The following LIPF variants were observed in gnomAD, a reference collection of about 807,000 sequenced individuals.
LIPF encodes the protein lipase F, gastric type.
A neutral mutation model predicts 38.0 loss-of-function variants in LIPF; 25 were observed. That is an observed-to-expected ratio of 0.66 (90% CI 0.48 to 0.92). The LOEUF is 0.92. Ranked by LOEUF, LIPF falls within the 40% of genes least tolerant of loss-of-function variation. The pLI, the probability that LIPF is intolerant of heterozygous loss-of-function variation, is 0.00. For synonymous variants in LIPF, 161 were observed against 156.2 expected (o/e 1.03, Z -0.23); for missense variants, 410 against 469.9 (o/e 0.87, Z 1.18).
intron 8 of LIPF, 22 bp downstream of exon 8, chr10:88,675,679 TA>T: frequency 1.9e-6 from 3 of 1,558,938 alleles, no homozygotes; most frequent in South Asian, 2.2e-5. Context: ...CAAATGCTGT[TA>T]AAATGTATTT....
chr10:88,678,612 C>G lies in LIPF; in HGVS notation c.1128C>G (p.Ile376Met). 1 of 1,613,962 alleles carries G rather than the reference C, an allele frequency of 6.2e-7. No homozygotes were observed. The highest frequency in any genetic ancestry group is 2.2e-5 in the East Asian group (1 of 44,876). ...EIPFYNHLDF[I>M]WAMDAPQEVY... ...CTTTTTACAATCACTTGGACTTTAT[C>G]TGGGCAATGGATGCCCCTCAAGAAG... is the stretch of plus-strand genomic sequence containing the variant. The change falls in exon 10 of 10, where the codon ATC becomes ATG. Residue 376 changes from isoleucine (I) to methionine (M), a missense_variant. Physicochemically the swap from Ile to Met is conservative, Grantham distance 10. Coordinates refer to ENST00000238983, the MANE Select transcript of LIPF (RefSeq NM_004190.4).
chr10:88,672,089 T>C (rs1311747613), intron 6 of LIPF, 124 bp downstream of exon 6: 13 of 906,954 alleles, frequency 1.4e-5, no homozygotes, highest in Non-Finnish European at 2.0e-5. Flanking sequence ...AATGGAACTG[T>C]TCGCATCTGT....
intron 4 of LIPF, chr10:88,669,046 C>A: frequency 3.1e-6 from 1 of 320,136 alleles, no homozygotes; most frequent in Non-Finnish European, 5.8e-6. Flanking sequence ...TGGAAAATTC[C>A]AAAGGAATGT....
intron 4 of LIPF, 131 bp downstream of exon 4, chr10:88,668,887 C>T (rs140527747): frequency 1.3e-6 from 1 of 767,540 alleles, no homozygotes; most frequent in East Asian, 2.7e-5. Flanking sequence ...TCATTCTAAT[C>T]CATTCTTGGA....
intron 5 of LIPF, among the ~76,000 whole-genome samples, chr10:88,671,323 A>T (rs1166061824): frequency 6.6e-6 from 1 of 152,178 alleles, no homozygotes; most frequent in Non-Finnish European, 1.5e-5. Flanking sequence ...AGAGGGAAAC[A>T]GTGGTTCTTA....
intron 1 of LIPF, chr10:88,665,429 A>T: frequency 1.3e-6 from 1 of 778,154 alleles, no homozygotes. Context: ...AACACACAGT[A>T]CAGCACACAG....
In LIPF at chr10:88,678,421, G is replaced by A. The variant is rs1268546830; in HGVS notation, c.961-24G>A. On this transcript the variant is annotated intron_variant, in intron 9 of 9. Coordinates refer to ENST00000238983, the MANE Select transcript of LIPF (RefSeq NM_004190.4). ...TTTAAAGTGTGGTTACCTAAACTCT[G>A]GTTCTTTCTCTTGTGTTTTCTAGTC... 1.9e-6 allele frequency: 3 copies of A among 1,544,994 alleles called. No individual in the cohort carries two copies. The Admixed American group carries it at 5.0e-5, about 26-fold the overall frequency.
rs774755640 is a variant in LIPF at position 88,669,816 on chromosome 10, A to T, written c.423-21A>T. 6 of 1,511,826 alleles carry T rather than the reference A, an allele frequency of 4.0e-6. No homozygotes were observed. In the African/African-American group the frequency reaches 6.8e-5, roughly 17 times the overall value. The allele number at this position is 1,511,826 out of a possible 1,614,324, so 93.7% of individuals were successfully genotyped here. ...ATAGCAAGGAAATGTATTCACTTTC[A>T]TTTTGTCTTTTTCCTTTCAGCTTTG... On this transcript the variant is annotated intron_variant, in intron 4 of 9. Coordinates refer to ENST00000238983, the MANE Select transcript of LIPF (RefSeq NM_004190.4).
chr10:88,671,994 C>A (rs756108760), intron 6 of LIPF, 29 bp downstream of exon 6: 1 of 1,571,386 alleles, frequency 6.4e-7, no homozygotes, highest in Non-Finnish European at 8.7e-7. Context: ...TTAAGTGAAT[C>A]TAAGACCCTT....
intron 6 of LIPF, 93 bp downstream of exon 6, chr10:88,672,058 A>C (rs1047054152): frequency 8.2e-7 from 1 of 1,213,116 alleles, no homozygotes; most frequent in Non-Finnish European, 1.1e-6. Flanking sequence ...TAAAAAGAGA[A>C]CAATCATTTT....
At chr10:88,671,216 T>A (rs1031984177) in intron 5 of LIPF, among the ~76,000 whole-genome samples, 1 of 152,240 alleles carries the variant, frequency 6.6e-6, no homozygotes, top group Non-Finnish European at 1.5e-5. Context: ...GCATTTACTA[T>A]GTGCCAAGAA....
chr10:88,664,605 A>T (rs971450464), intron 1 of LIPF, 114 bp downstream of exon 1: 5 of 152,594 alleles, frequency 3.3e-5, no homozygotes, highest in Admixed American at 6.5e-5. Flanking sequence ...ACCTGCATAA[A>T]TGTATCTGTT....
intron 9 of LIPF, among the ~76,000 whole-genome samples, chr10:88,677,188 G>A (rs1188582232): frequency 6.6e-6 from 1 of 151,600 alleles, no homozygotes; most frequent in African/African-American, 2.4e-5. Context: ...CCTTGATTTT[G>A]CATTTTTGAT....
intron 4 of LIPF, 28 bp from the exon 5 acceptor site, chr10:88,669,809 C>A: frequency 7.0e-7 from 1 of 1,426,408 alleles, no homozygotes; most frequent in South Asian, 1.2e-5. Flanking sequence ...GAAATGTATT[C>A]ACTTTCATTT....
At chr10:88,674,765 T>TC (rs1841660644) in intron 7 of LIPF, among the ~76,000 whole-genome samples, 2 of 152,166 alleles carry the variant, frequency 1.3e-5, no homozygotes, top group African/African-American at 4.8e-5. Flanking sequence ...GACAACTATC[T>TC]CCCCTCCAAA....
chr10:88,677,497 G>A (rs1047888886), intron 9 of LIPF, among the ~76,000 whole-genome samples: 5 of 152,164 alleles, frequency 3.3e-5, no homozygotes, highest in African/African-American at 1.2e-4. Flanking sequence ...ATAATAGGAT[G>A]TAAGTAAAAT....
intron 1 of LIPF, chr10:88,665,586 T>A (rs1157891420): frequency 3.9e-6 from 6 of 1,521,604 alleles, no homozygotes; most frequent in Non-Finnish European, 5.3e-6. Flanking sequence ...CACTTTACAA[T>A]GGCAAATCAC....
intron 7 of LIPF, among the ~76,000 whole-genome samples, chr10:88,675,023 C>T (rs112410185): frequency 3.3e-5 from 5 of 152,204 alleles, no homozygotes; most frequent in Middle Eastern, 3.4e-3. Context: ...TCATCTTCTG[C>T]GTAATAATTT....
chr10:88,676,394 T>C, intron 9 of LIPF, 114 bp downstream of exon 9: 2 of 669,010 alleles, frequency 3.0e-6, no homozygotes, highest in East Asian at 5.8e-5. Flanking sequence ...AATGTTGATG[T>C]TCTGTCTCTC....
Sources: allele counts gnomAD v4.1 joint callset (sites outside exome capture counted in the v4.1 genomes callset), GRCh38; gene constraint gnomAD v4.1.1; transcripts MANE v1.5; gene names NCBI Gene and HGNC (gene_info 2026-07-23, HGNC 2026-07-21).